DIAPH2: variants seen among roughly 807,000 people sequenced by gnomAD.
The protein encoded by DIAPH2 is protein diaphanous homolog 2.
Under a neutral mutation model 92.7 loss-of-function variants are expected in DIAPH2, and 35 were observed. The observed-to-expected ratio is 0.38, with a 90% CI of 0.29 to 0.50. The LOEUF is 0.50. DIAPH2 is among the 20% of genes least tolerant of loss of function. DIAPH2 has a pLI of 0.94. For missense variants in DIAPH2, 701 were observed against 819.5 expected, an observed-to-expected ratio of 0.86 and a Z score of 1.77; for synonymous variants, 301 against 280.4, an observed-to-expected ratio of 1.07 and a Z score of -0.73.
At chrX:97,548,248 AT>A (rs2071195510) in intron 26 of DIAPH2, among the ~76,000 whole-genome samples, 1 of 111,723 alleles carries the variant, frequency 9.0e-6, no homozygotes, top group Non-Finnish European at 1.9e-5. Context: ...TGCACACACA[AT>A]TTTTGGTCGA....
chrX:96,764,360 AG>A (rs2064288636), intron 4 of DIAPH2, among the ~76,000 whole-genome samples: 1 of 110,667 alleles, frequency 9.0e-6, no homozygotes, highest in Non-Finnish European at 1.9e-5. Flanking sequence ...TTAAATGCAA[AG>A]GCCTGAAGAG....
intron 12 of DIAPH2, among the ~76,000 whole-genome samples, chrX:96,941,207 T>A (rs192266177): frequency 8.9e-6 from 1 of 112,074 alleles, no homozygotes. Flanking sequence ...TAGGGAAGTT[T>A]ATATCATAAT....
At chrX:97,176,894 G>A (rs2067496946) in intron 22 of DIAPH2, among the ~76,000 whole-genome samples, 1 of 111,584 alleles carries the variant, frequency 9.0e-6, no homozygotes. Context: ...TATTTAAAAT[G>A]GTATAGTATT....
intron 26 of DIAPH2, among the ~76,000 whole-genome samples, chrX:97,561,280 A>G (rs770016899): frequency 8.9e-6 from 1 of 112,331 alleles, no homozygotes; most frequent in Non-Finnish European, 1.9e-5. Flanking sequence ...GAGTAGGACC[A>G]TTCTTAATGG....
chrX:96,796,522 C>CT (rs1306854127), intron 4 of DIAPH2, among the ~76,000 whole-genome samples: 7 of 111,698 alleles, frequency 6.3e-5, no homozygotes, highest in Middle Eastern at 4.6e-3. Flanking sequence ...TCCTTTAACT[C>CT]TTTTTTTGCC....
At chrX:97,254,217 C>T (rs982100385) in intron 23 of DIAPH2, among the ~76,000 whole-genome samples, 8 of 111,513 alleles carry the variant, frequency 7.2e-5, no homozygotes, top group Admixed American at 1.9e-4. Context: ...CAAGGCTGGG[C>T]GCGGTGGCTC....
intron 14 of DIAPH2, among the ~76,000 whole-genome samples, chrX:96,947,104 A>G (rs2065742663): frequency 8.9e-6 from 1 of 111,847 alleles, no homozygotes; most frequent in South Asian, 3.7e-4. Context: ...AAAAGGAAAG[A>G]ATAAAATTAG....
chrX:96,989,716 A>G (rs1388030481), intron 17 of DIAPH2, among the ~76,000 whole-genome samples: 1 of 111,760 alleles, frequency 8.9e-6, no homozygotes, highest in African/African-American at 3.2e-5. Flanking sequence ...AGTTTATTTG[A>G]TTAGTGAACT....
At chrX:97,331,260 G>T (rs1361728711) in intron 23 of DIAPH2, among the ~76,000 whole-genome samples, 2 of 111,838 alleles carry the variant, frequency 1.8e-5, no homozygotes, top group Non-Finnish European at 3.8e-5. Flanking sequence ...TGGAAGTAAT[G>T]CCACTGTATT....
chrX:96,700,321 G>A (rs2063848286), intron 1 of DIAPH2, among the ~76,000 whole-genome samples: 1 of 112,323 alleles, frequency 8.9e-6, no homozygotes, highest in Non-Finnish European at 1.9e-5. Flanking sequence ...AGATTCTATG[G>A]TACAGTCTTC....
chrX:97,394,086 A>G (rs2069683652), intron 25 of DIAPH2, among the ~76,000 whole-genome samples: 2 of 112,047 alleles, frequency 1.8e-5, no homozygotes, highest in Non-Finnish European at 3.8e-5. Flanking sequence ...CTCATTTCAC[A>G]TTATATTATT....
chrX:97,133,942 T>A (rs900424152), intron 21 of DIAPH2, among the ~76,000 whole-genome samples: 2 of 112,320 alleles, frequency 1.8e-5, no homozygotes, highest in African/African-American at 6.5e-5. Flanking sequence ...GTCTGCAACT[T>A]ACAATTTCAG....
chrX:96,729,758 A>C (rs1485429979), intron 1 of DIAPH2, among the ~76,000 whole-genome samples: 1 of 112,273 alleles, frequency 8.9e-6, no homozygotes, highest in Non-Finnish European at 1.9e-5. Context: ...AAAATGGTGG[A>C]ATGAATTTTG....
chrX:97,077,194 G>A (rs933444693), intron 19 of DIAPH2, among the ~76,000 whole-genome samples: 1 of 111,430 alleles, frequency 9.0e-6, no homozygotes, highest in Non-Finnish European at 1.9e-5. Flanking sequence ...AAGGAGGATG[G>A]ATGCTCCTGG....
At chrX:97,147,253 C>A (rs1487999612) in intron 22 of DIAPH2, among the ~76,000 whole-genome samples, 1 of 110,792 alleles carries the variant, frequency 9.0e-6, no homozygotes, top group African/African-American at 3.3e-5. Flanking sequence ...GATTGGCATA[C>A]CAATTAGTCT....
intron 9 of DIAPH2, among the ~76,000 whole-genome samples, chrX:96,928,131 A>G (rs771356635): frequency 9.0e-6 from 1 of 111,099 alleles, no homozygotes; most frequent in East Asian, 2.8e-4. Context: ...TATATCATTT[A>G]TAGTCATGAG....
intron 7 of DIAPH2, among the ~76,000 whole-genome samples, chrX:96,914,780 TA>T (rs1211107056): frequency 3.6e-5 from 4 of 111,559 alleles, no homozygotes; most frequent in Non-Finnish European, 7.6e-5. Context: ...TTGATGTTTT[TA>T]GTTAGGCCAC....
At chrX:97,404,226 A>G (rs2069786811) in intron 25 of DIAPH2, among the ~76,000 whole-genome samples, 1 of 111,903 alleles carries the variant, frequency 8.9e-6, no homozygotes, top group South Asian at 3.7e-4. Context: ...AAGTTCCATT[A>G]TTCTTGAATG....
intron 22 of DIAPH2, among the ~76,000 whole-genome samples, chrX:97,239,792 G>T (rs2068076631): frequency 9.2e-6 from 1 of 108,447 alleles, no homozygotes; most frequent in African/African-American, 3.4e-5. Flanking sequence ...AAATATTCTT[G>T]GCACTACAGG....
Sources: gnomAD v4.1 joint callset for allele counts (sites outside exome capture counted in the v4.1 genomes callset) on GRCh38, gnomAD v4.1.1 for gene constraint, MANE v1.5 for transcripts, NCBI Gene and HGNC (gene_info 2026-07-23, HGNC 2026-07-21) for gene names.